RAI1: variants seen among roughly 807,000 people sequenced by gnomAD.
RAI1 encodes the protein retinoic acid induced 1.
RAI1 carries 9 observed loss-of-function variants against 123.8 expected under a neutral mutation model. The ratio of observed to expected loss-of-function variants is 0.07; its 90% CI spans 0.04 to 0.13. The LOEUF is 0.13. Among genes scored for constraint, RAI1 ranks in the 10% least tolerant of loss-of-function variants. RAI1 has a pLI of 1.00. For synonymous variants in RAI1, 1,231 were observed against 1,127.3 expected (o/e 1.09, Z -1.84); for missense variants, 2,256 against 2,545.8 (o/e 0.89, Z 2.45).
intron 1 of RAI1, among the ~76,000 whole-genome samples, chr17:17,701,967 T>C (rs190718169): frequency 6.6e-6 from 1 of 152,358 alleles, no homozygotes; most frequent in East Asian, 1.9e-4. Context: ...TCGAAAGGAA[T>C]ACTTGTCCTC....
At chr17:17,766,628 T>A (rs2030943481) in intron 2 of RAI1, among the ~76,000 whole-genome samples, 1 of 152,186 alleles carries the variant, frequency 6.6e-6, no homozygotes, top group South Asian at 2.1e-4. Flanking sequence ...GCTGATGGAT[T>A]CCCCAGCACT....
chr17:17,739,506 G>A (rs1055296242), intron 2 of RAI1, among the ~76,000 whole-genome samples: 1 of 152,222 alleles, frequency 6.6e-6, no homozygotes, highest in African/African-American at 2.4e-5. Flanking sequence ...TGGCAGCCAG[G>A]GGTCAGGGAG....
Position 17,809,596 on chromosome 17 carries a change from C to CCCG in RAI1, c.5709+164_5709+166dup, listed in dbSNP as rs2032668843. On this transcript the variant is annotated intron_variant, in intron 5 of 5. Transcript: ENST00000353383. This position sits in a 1 kb window ranked among gnomAD's most constrained non-coding sequence, Gnocchi z 4.9. Reference sequence around the variant, plus strand: ...CTCTCCCCGCCCACCCCCAGGAGCCCCCGCCGCCGTCCAGCTCAGGTCCCT... The same window carrying CCCG: ...CTCTCCCCGCCCACCCCCAGGAGCCCCCGCCGCCGCCGTCCAGCTCAGGTCCCT... Among the ~76,000 whole-genome samples the CCCG allele has an allele frequency of 6.6e-6, 1 of 152,054 alleles. No homozygotes were observed. The highest frequency in any genetic ancestry group is 6.5e-5 in the Admixed American group (1 of 15,280).
chr17:17,705,378 C>T (rs188705755), intron 1 of RAI1, among the ~76,000 whole-genome samples: 91 of 152,272 alleles, frequency 6.0e-4, no homozygotes, highest in Middle Eastern at 3.4e-3. Flanking sequence ...GCCTGTAATC[C>T]GAGCACTCTG....
chr17:17,777,961 G>A (rs978246507), intron 2 of RAI1: 1 of 152,232 alleles, frequency 6.6e-6, no homozygotes, highest in African/African-American at 2.4e-5. Flanking sequence ...GGTGCTCCTT[G>A]GACAGGACAA....
rs1449893088 is a variant in RAI1 at position 17,800,414 on chromosome 17, C to T, written c.5565+1901C>T. On this transcript the variant is annotated intron_variant, in intron 3 of 5. Coordinates refer to ENST00000353383, the MANE Select transcript of RAI1 (RefSeq NM_030665.4). The surrounding 1 kb of genome is among the most constrained non-coding windows in gnomAD (Gnocchi z 4.7). ...CTCACCAGGGGCTCCCCGACACTCACGTCCCACCAGGCTGAGATCAGGTCG... is the reference window on the plus strand; with the variant it reads ...CTCACCAGGGGCTCCCCGACACTCATGTCCCACCAGGCTGAGATCAGGTCG... Among the ~76,000 whole-genome samples the T allele has an allele frequency of 1.3e-5, 2 of 152,326 alleles. No homozygotes were observed. Among genetic ancestry groups the T allele is most frequent in the South Asian group, 2.1e-4 (1 of 4,832 alleles).
In RAI1 at chr17:17,688,979, G is replaced by A. The variant is rs28669696; in HGVS notation, c.-149+7186G>A. Among the ~76,000 whole-genome samples the A allele has an allele frequency of 3.3e-5, 5 of 149,788 alleles. No homozygotes were observed. In the East Asian group the frequency reaches 9.8e-4, roughly 29 times the overall value. ...GATTATTATTTTTTTTTTTTGAGCC[G>A]GAGTGTTGCTCTGTCGCCCAGACTG... On this transcript the variant is annotated intron_variant, in intron 1 of 5. Coordinates refer to ENST00000353383, the MANE Select transcript of RAI1 (RefSeq NM_030665.4).
chr17:17,724,177 G>C lies in RAI1; in HGVS notation c.-17+18G>C, dbSNP rs1235365809. 3 of 151,638 alleles carry C rather than the reference G, an allele frequency of 2.0e-5. No individual in the cohort carries two copies. Among genetic ancestry groups the C allele is most frequent in the African/African-American group, 7.3e-5 (3 of 41,198 alleles). 9.4% of individuals were successfully genotyped at this position (151,638 alleles called of 1,614,324 possible). A position where few individuals can be genotyped will look rare whatever the true frequency, so the allele number is the denominator to read the frequency against. On this transcript the variant is annotated intron_variant, in intron 2 of 5. Coordinates refer to ENST00000353383, the MANE Select transcript of RAI1 (RefSeq NM_030665.4). Reference sequence around the variant, plus strand: ...GCCCGCAGGTATTGTTGGCGGCGGAGCTTTGTGTTTTCGGCGGGCTGCTGT... The same window carrying C: ...GCCCGCAGGTATTGTTGGCGGCGGACCTTTGTGTTTTCGGCGGGCTGCTGT...
rs1914607867 is a variant in RAI1 at position 17,685,826 on chromosome 17, C to T, written c.-149+4033C>T. ...TGTCCTCATTCAGTCCTGTCCCCTC[C>T]AGCCACAGCTGGCACCTCCTTGTTA... is the stretch of plus-strand genomic sequence containing the variant. On this transcript the variant is annotated intron_variant, in intron 1 of 5. Transcript: ENST00000353383. The surrounding 1 kb of genome is among the most constrained non-coding windows in gnomAD (Gnocchi z 4.0). Among the ~76,000 whole-genome samples, 2 of 152,208 alleles carry T rather than the reference C, an allele frequency of 1.3e-5. No homozygotes were observed. The highest frequency in any genetic ancestry group is 2.9e-5 in the Non-Finnish European group (2 of 68,036).
At chr17:17,806,565 G>A (rs890073986) in intron 4 of RAI1, among the ~76,000 whole-genome samples, 2 of 152,230 alleles carry the variant, frequency 1.3e-5, no homozygotes, top group Non-Finnish European at 2.9e-5. Flanking sequence ...GCCCTTCCAG[G>A]CCCAGCTTCA....
At chr17:17,725,670 G>T (rs1395295338) in intron 2 of RAI1, among the ~76,000 whole-genome samples, 2 of 152,106 alleles carry the variant, frequency 1.3e-5, no homozygotes, top group Non-Finnish European at 2.9e-5. Context: ...GGGGTGGAGA[G>T]CCCGTGGAAA....
At chr17:17,765,296 C>G (rs1177170719) in intron 2 of RAI1, among the ~76,000 whole-genome samples, 1 of 152,224 alleles carries the variant, frequency 6.6e-6, no homozygotes, top group East Asian at 1.9e-4. Context: ...TAAGAAGCCT[C>G]TACTGGACAC....
intron 2 of RAI1, among the ~76,000 whole-genome samples, chr17:17,790,838 G>A (rs1397395256): frequency 6.6e-6 from 1 of 152,160 alleles, no homozygotes; most frequent in East Asian, 1.9e-4. Flanking sequence ...CTGGGCACAG[G>A]CCCGCCTGGG....
Position 17,811,256 on chromosome 17 carries a change from CAT to C in RAI1, c.*1283_*1284del, listed in dbSNP as rs750881640. On this transcript the variant is annotated 3_prime_UTR_variant, in exon 6 of 6. Transcript: ENST00000353383. ...TAGTGTATATATATGTATACATATA[CAT>C]ATATATAATATATATGAAGACTGTA... 9 of 330,108 alleles carry C rather than the reference CAT, an allele frequency of 2.7e-5. No homozygotes were observed. Among genetic ancestry groups the C allele is most frequent in the Non-Finnish European group, 4.7e-5 (8 of 169,452 alleles). 20.4% of individuals were successfully genotyped at this position (330,108 alleles called of 1,614,324 possible). A position where few individuals can be genotyped will look rare whatever the true frequency, so the allele number is the denominator to read the frequency against.
chr17:17,693,368 GACAA>G (rs1214950712), intron 1 of RAI1, among the ~76,000 whole-genome samples: 1 of 152,252 alleles, frequency 6.6e-6, no homozygotes, highest in African/African-American at 2.4e-5. Flanking sequence ...CTTCCTGATT[GACAA>G]ACAAAACAAG....
chr17:17,772,398 A>C (rs1258758377), intron 2 of RAI1, among the ~76,000 whole-genome samples: 3 of 151,674 alleles, frequency 2.0e-5, no homozygotes, highest in African/African-American at 7.3e-5. Context: ...CACCCCCATC[A>C]CCAATCCATC....
At position 17,686,608 on chromosome 17, in the gene RAI1, T is replaced by TGCGC. The variant is rs1555552150; in HGVS notation, c.-149+4817_-149+4818insGCGC. ...GTGTGTGTGTGTGTGTGTGTGTGTG[T>TGCGC]GCACGCGCGCGCCGGGGAGGGGAGA... is the stretch of plus-strand genomic sequence containing the variant. On this transcript the variant is annotated intron_variant, in intron 1 of 5. Transcript: ENST00000353383. 2.3e-3 allele frequency among the ~76,000 whole-genome samples: 311 copies of TGCGC among 137,852 alleles called. 5 individuals carry two copies. Among genetic ancestry groups the TGCGC allele is most frequent in the African/African-American group, 7.8e-3 (282 of 36,224 alleles). 90.4% of individuals were successfully genotyped at this position (137,852 alleles called of 152,430 possible).
chr17:17,796,469 C>T lies in RAI1; in HGVS notation c.3521C>T (p.Thr1174Ile), dbSNP rs924211464. 2.5e-6 allele frequency: 4 copies of T among 1,612,202 alleles called. No homozygotes were observed. Among genetic ancestry groups the T allele is most frequent in the East Asian group, 4.5e-5 (2 of 44,866 alleles). Residue 1174 changes from threonine (T) to isoleucine (I), a missense_variant, in exon 3 of 6, where the codon ACC (threonine) becomes ATC (isoleucine). Transcript: ENST00000353383. The surrounding 1 kb of genome is among the most constrained non-coding windows in gnomAD (Gnocchi z 5.8). ...GGCCGGCTCCCCAACTGCCGTGCCA[C>T]CAAGAAGCTCCTCGACAACAGCCAC... Reference protein sequence around the residue: ...SEGRLPNCRATKKLLDNSHLP... With the variant: ...SEGRLPNCRAIKKLLDNSHLP...
intron 2 of RAI1, among the ~76,000 whole-genome samples, chr17:17,775,611 T>C (rs143093188): frequency 1.6e-4 from 25 of 152,314 alleles, no homozygotes; most frequent in African/African-American, 5.8e-4. Context: ...GAAAATGTTA[T>C]TAAAATCCTA....
Sources: gnomAD v4.1 joint callset for allele counts (sites outside exome capture counted in the v4.1 genomes callset) on GRCh38, gnomAD v4.1.1 for gene constraint, Gnocchi (gnomAD v3.1) non-coding constraint, MANE v1.5 for transcripts, NCBI Gene and HGNC (gene_info 2026-07-23, HGNC 2026-07-21) for gene names.